OR1L8: variants seen among roughly 807,000 people sequenced by gnomAD.
OR1L8 encodes the protein olfactory receptor family 1 subfamily L member 8, also known as olfactory receptor 1L8.
For synonymous variants in OR1L8, 148 were observed against 147.0 expected, an observed-to-expected ratio of 1.01 and a Z score of -0.05; for missense variants, 330 against 377.4, an observed-to-expected ratio of 0.87 and a Z score of 1.04.
intron 3 of OR1L8, among the ~76,000 whole-genome samples, chr9:122,573,238 C>T (rs897688205): frequency 2.0e-5 from 3 of 152,200 alleles, no homozygotes; most frequent in African/African-American, 7.2e-5. Context: ...ATGGAAATAA[C>T]AGTTAACAGA....
chr9:122,554,238 G>C, the OR1L8 span: 4 of 1,130,858 alleles, frequency 3.5e-6, no homozygotes, highest in Non-Finnish European at 5.1e-6. Context: ...TTCTACTACT[G>C]TCATGTTGAT....
intron 4 of OR1L8, among the ~76,000 whole-genome samples, chr9:122,570,976 G>T (rs1171803467): frequency 7.9e-5 from 12 of 152,192 alleles, no homozygotes; most frequent in Admixed American, 7.9e-4. Context: ...CAGTAAGGAA[G>T]TGAATAATAG....
chr9:122,569,183 T>G lies in OR1L8; in HGVS notation c.-212-494A>C, dbSNP rs187792029. ...TGAAAGGTTCATCCTCCCTAGCTCATGACATGCTATCATCATTAGTTTGCA... is the reference window on the plus strand; with the variant it reads ...TGAAAGGTTCATCCTCCCTAGCTCAGGACATGCTATCATCATTAGTTTGCA... On this transcript the variant is annotated intron_variant, in intron 4 of 4. Transcript: ENST00000641027. Among the ~76,000 whole-genome samples, 99 of 152,346 alleles carry G rather than the reference T, an allele frequency of 6.5e-4. 1 individual carries two copies. Among genetic ancestry groups the G allele is most frequent in the African/African-American group, 2.3e-3 (94 of 41,582 alleles).
At chr9:122,565,047 G>A (rs7858202), downstream of OR1L8, among the ~76,000 whole-genome samples, 46,918 of 152,092 alleles carry the variant, frequency 0.31, 8,111 homozygotes, top group East Asian at 0.81. Context: ...ATACTTCCTC[G>A]TGAAATTTAT....
the OR1L8 span, among the ~76,000 whole-genome samples, chr9:122,556,807 T>C: frequency 2.0e-5 from 3 of 152,210 alleles, no homozygotes; most frequent in Non-Finnish European, 4.4e-5. Flanking sequence ...GGGGTTTTGA[T>C]TGAGGCTATG....
the OR1L8 span, among the ~76,000 whole-genome samples, chr9:122,554,750 T>C: frequency 5.9e-5 from 9 of 152,318 alleles, no homozygotes; most frequent in African/African-American, 2.2e-4. Flanking sequence ...GAAAAAGAAT[T>C]AATATATGTT....
chr9:122,553,817 C>A, the OR1L8 span: 16 of 1,614,040 alleles, frequency 9.9e-6, no homozygotes, highest in East Asian at 2.2e-5. Flanking sequence ...AGCTGATGAT[C>A]ATCACCATGG....
intron 4 of OR1L8, among the ~76,000 whole-genome samples, chr9:122,570,476 C>G (rs1829525684): frequency 6.6e-6 from 1 of 152,144 alleles, no homozygotes; most frequent in African/African-American, 2.4e-5. Context: ...TTACATTTTT[C>G]TTGTAAGTTA....
At chr9:122,552,200 C>T in the OR1L8 span, among the ~76,000 whole-genome samples, 13,605 of 151,562 alleles carry the variant, frequency 0.09, 673 homozygotes, top group African/African-American at 0.11. Context: ...AACCAAAGAA[C>T]AAATGGAGGA....
chr9:122,555,584 G>A, the OR1L8 span, among the ~76,000 whole-genome samples: 1 of 152,126 alleles, frequency 6.6e-6, no homozygotes, highest in Non-Finnish European at 1.5e-5. Flanking sequence ...GCTACACCAT[G>A]CCATTTACAG....
rs751065720 is a variant in OR1L8, at chr9:122,567,992, A to C, written c.486T>G (p.Leu162=). The change falls in exon 5 of 5, where the codon CTT becomes CTG. Residue 162 remains leucine (L), a synonymous_variant. Transcript: ENST00000641027. ...CACAGAAGGTGAGACGATTCAGCAGAAGTGTGTGCAGGAGTGAGTGGAGGT... is the reference window on the plus strand; with the variant it reads ...CACAGAAGGTGAGACGATTCAGCAGCAGTGTGTGCAGGAGTGAGTGGAGGT... ...FPHLHSLLHT[L]LLNRLTFCDS... is the part of the protein sequence containing the mutation. 6.2e-7 allele frequency: 1 copy of C among 1,614,088 alleles called. No individual in the cohort carries two copies. The highest frequency in any genetic ancestry group is 1.1e-5 in the South Asian group (1 of 91,070).
At chr9:122,547,125 AAT>A in the OR1L8 span, among the ~76,000 whole-genome samples, 125 of 150,480 alleles carry the variant, frequency 8.3e-4, no homozygotes, top group East Asian at 4.8e-3. Context: ...CACATAAAAA[AAT>A]AATAATTTAA....
chr9:122,553,132 C>T, the OR1L8 span: 11 of 1,438,938 alleles, frequency 7.6e-6, no homozygotes, highest in African/African-American at 1.4e-4. Context: ...CACACAGATG[C>T]ATATCTGTAA....
chr9:122,551,965 T>C, the OR1L8 span, among the ~76,000 whole-genome samples: 2 of 146,882 alleles, frequency 1.4e-5, no homozygotes, highest in East Asian at 2.0e-4. Flanking sequence ...AGGAAGAGAA[T>C]TGGAGAATTT....
In OR1L8 at chr9:122,567,714, C is replaced by T. The variant is rs773485036; in HGVS notation, c.764G>A (p.Ser255Asn). Residue 255 changes from serine (S) to asparagine (N), a missense_variant, in exon 5 of 5, where the codon AGC becomes AAC. Physicochemically the swap from Ser to Asn is conservative, Grantham distance 46. Coordinates refer to ENST00000641027, the MANE Select transcript of OR1L8 (RefSeq NM_001004454.2). ...YLTVVTLFYG[S>N]IFCVYLQPPS... ...GGGCTGTAAATAGACACAGAAGATG[C>T]TTCCATAAAAGAGCGTCACCACGGT... 1 of 1,614,000 alleles carries T rather than the reference C, an allele frequency of 6.2e-7. No homozygotes were observed. The highest frequency in any genetic ancestry group is 8.5e-7 in the Non-Finnish European group (1 of 1,179,982).
At chr9:122,577,220 C>T (rs10985712) in intron 2 of OR1L8, among the ~76,000 whole-genome samples, 55,122 of 152,000 alleles carry the variant, frequency 0.36, 10,447 homozygotes, top group Non-Finnish European at 0.4. Flanking sequence ...TATTCATACA[C>T]TGGTGCCTTA....
chr9:122,559,165 T>C, the OR1L8 span, among the ~76,000 whole-genome samples: 1 of 152,134 alleles, frequency 6.6e-6, no homozygotes, highest in Non-Finnish European at 1.5e-5. Context: ...TGTCTAAGTA[T>C]AACATAGATC....
chr9:122,568,082 G>A lies in OR1L8; in HGVS notation c.396C>T (p.His132=). ...DRYVAVCDPF[H]YVTTMSHHHC... ...GGTGGTGGCTCATGGTGGTGACATA[G>A]TGGAAAGGGTCACAGACGGCCACAT... The change falls in exon 5 of 5, where the codon CAC becomes CAT. Residue 132 remains histidine, a synonymous_variant. Transcript: ENST00000641027. The A allele has an allele frequency of 6.2e-7, 1 of 1,614,086 alleles. No individual in the cohort carries two copies. Among genetic ancestry groups the A allele is most frequent in the Non-Finnish European group, 8.5e-7 (1 of 1,179,972 alleles).
chr9:122,575,403 G>A (rs1449204836), intron 3 of OR1L8, among the ~76,000 whole-genome samples: 1 of 151,850 alleles, frequency 6.6e-6, no homozygotes, highest in Non-Finnish European at 1.5e-5. Context: ...ATTTCTTTTT[G>A]TGTGCATTTT....
Sources: allele counts gnomAD v4.1 joint callset (sites outside exome capture counted in the v4.1 genomes callset), GRCh38; gene constraint gnomAD v4.1.1; transcripts MANE v1.5; gene names NCBI Gene and HGNC (gene_info 2026-07-23, HGNC 2026-07-21).